CPPED1: variants seen among roughly 807,000 people sequenced by gnomAD.
CPPED1 encodes the protein serine/threonine-protein phosphatase CPPED1.
Under a neutral mutation model 28.0 loss-of-function variants are expected in CPPED1, and 28 were observed. The observed-to-expected ratio is 1.00, with a 90% CI of 0.74 to 1.37. The LOEUF is 1.37. Among genes scored for constraint, CPPED1 ranks in the 40% most tolerant of loss-of-function variants. The probability of loss-of-function intolerance (pLI) is 0.00; values close to 1 mark genes in which losing one functional copy is unlikely to be tolerated. For synonymous variants in CPPED1, 198 were observed against 180.2 expected, an observed-to-expected ratio of 1.10 and a Z score of -0.79; for missense variants, 504 against 416.5, an observed-to-expected ratio of 1.21 and a Z score of -1.83.
chr16:12,781,134 G>C (rs2080527903), intron 2 of CPPED1, 51 bp downstream of exon 2: 1 of 1,536,140 alleles, frequency 6.5e-7, no homozygotes, highest in African/African-American at 1.4e-5. Flanking sequence ...CCCAAATGCA[G>C]TCATGACCGG....
At chr16:12,669,777 G>A (rs2079844382) in intron 3 of CPPED1, among the ~76,000 whole-genome samples, 1 of 152,146 alleles carries the variant, frequency 6.6e-6, no homozygotes, top group Admixed American at 6.6e-5. Flanking sequence ...AGGAACTATG[G>A]CTCCTTGGAG....
intron 3 of CPPED1, among the ~76,000 whole-genome samples, chr16:12,699,542 T>A (rs1362187941): frequency 6.6e-6 from 1 of 152,210 alleles, no homozygotes; most frequent in Non-Finnish European, 1.5e-5. Flanking sequence ...TGATGCTCAT[T>A]ATTAAATCAT....
chr16:12,710,587 A>C (rs2080075001), intron 2 of CPPED1, among the ~76,000 whole-genome samples: 1 of 152,218 alleles, frequency 6.6e-6, no homozygotes. Flanking sequence ...TCTCAAATTA[A>C]ATATCTGATA....
chr16:12,731,362 A>G (rs1310199511), intron 2 of CPPED1, among the ~76,000 whole-genome samples: 3 of 150,300 alleles, frequency 2.0e-5, no homozygotes, highest in African/African-American at 5.0e-5. Flanking sequence ...ACTGCATTAG[A>G]AAAATTTTTT....
At chr16:12,776,169 G>C (rs2080496597) in intron 2 of CPPED1, among the ~76,000 whole-genome samples, 2 of 152,198 alleles carry the variant, frequency 1.3e-5, no homozygotes, top group Admixed American at 1.3e-4. Context: ...GGGTGGAGCA[G>C]AGGTCAGACG....
Position 12,781,511 on chromosome 16 carries a change from G to A in CPPED1, c.71-108C>T, listed in dbSNP as rs755932374. On this transcript the variant is annotated intron_variant, in intron 1 of 3. Coordinates refer to ENST00000381774, the MANE Select transcript of CPPED1 (RefSeq NM_018340.3). Reference sequence around the variant, plus strand: ...TACACTATTTTTCTTAAATTAAGTAGGTCATTTTAATAAGCTGTGGTTCAA... The same window carrying A: ...TACACTATTTTTCTTAAATTAAGTAAGTCATTTTAATAAGCTGTGGTTCAA... 5.7e-4 allele frequency: 533 copies of A among 934,038 alleles called. 1 individual carries two copies. Among genetic ancestry groups the A allele is most frequent in the Non-Finnish European group, 6.2e-4 (386 of 623,796 alleles). 57.9% of individuals were successfully genotyped at this position (934,038 alleles called of 1,614,324 possible).
At chr16:12,667,893 C>A (rs779485272) in intron 3 of CPPED1, among the ~76,000 whole-genome samples, 1 of 152,184 alleles carries the variant, frequency 6.6e-6, no homozygotes, top group Non-Finnish European at 1.5e-5. Flanking sequence ...AAAAGTACTA[C>A]ACAGGAAACA....
intron 1 of CPPED1, among the ~76,000 whole-genome samples, chr16:12,793,238 G>C (rs1041645673): frequency 6.6e-6 from 1 of 152,146 alleles, no homozygotes; most frequent in Non-Finnish European, 1.5e-5. Context: ...TACACACTTC[G>C]CTCTTTACAA....
intron 2 of CPPED1, among the ~76,000 whole-genome samples, chr16:12,758,829 C>T (rs553289644): frequency 4.6e-5 from 7 of 151,676 alleles, no homozygotes; most frequent in Admixed American, 2.0e-4. Flanking sequence ...TAATAAGACA[C>T]GATGATGATG....
At chr16:12,669,549 C>T (rs1878707) in intron 3 of CPPED1, among the ~76,000 whole-genome samples, 7,801 of 152,200 alleles carry the variant, frequency 0.051, 616 homozygotes, top group African/African-American at 0.18. Context: ...ATCCATATCA[C>T]AACAACGGAT....
rs140020086 is a variant in CPPED1, at chr16:12,762,998, G to A, written c.289+18187C>T. 6.6e-3 allele frequency among the ~76,000 whole-genome samples: 1,001 copies of A among 152,256 alleles called. 11 individuals are homozygous for A. The highest frequency in any genetic ancestry group is 0.022 in the African/African-American group (927 of 41,568). On this transcript the variant is annotated intron_variant, in intron 2 of 3. Transcript: ENST00000381774. ...AATCCCAGCACTTTGGGAGGCCAAG[G>A]TGGGTGGATCACTTGAAGTTGGGAG...
rs2079810907 is a variant in CPPED1 at position 12,663,972 on chromosome 16, G to A, written c.*914C>T. ...GGCCAATTCAGAGGATGTGGCTGAA[G>A]GCACCGTTTTGGCCTTTTTTGTTTC... is the stretch of plus-strand genomic sequence containing the variant. On this transcript the variant is annotated 3_prime_UTR_variant, in exon 4 of 4. Coordinates refer to ENST00000381774, the MANE Select transcript of CPPED1 (RefSeq NM_018340.3). 1 of 152,220 alleles carries A rather than the reference G, an allele frequency of 6.6e-6. No individual in the cohort carries two copies. The highest frequency in any genetic ancestry group is 2.4e-5 in the African/African-American group (1 of 41,442). The allele number at this position is 152,220 out of a possible 1,614,324, so 9.4% of individuals were successfully genotyped here.
intron 3 of CPPED1, among the ~76,000 whole-genome samples, chr16:12,667,590 TA>T (rs2079832507): frequency 1.3e-5 from 2 of 152,072 alleles, no homozygotes; most frequent in African/African-American, 2.4e-5. Flanking sequence ...CCCATCTCTA[TA>T]AAAAATAGTA....
intron 1 of CPPED1, among the ~76,000 whole-genome samples, chr16:12,797,645 AAC>A (rs2080635665): frequency 6.6e-6 from 1 of 152,232 alleles, no homozygotes; most frequent in Admixed American, 6.5e-5. Context: ...CCTGGGCCAC[AAC>A]GGAAGAACTG....
At position 12,756,400 on chromosome 16, in the gene CPPED1, T is replaced by G. The variant is rs546354915; in HGVS notation, c.289+24785A>C. ...CTGGGGCTGTGGCAGCAGAGATGCA[T>G]TTAAGAACAGTGAGCCAGGTGCGGT... On this transcript the variant is annotated intron_variant, in intron 2 of 3. Coordinates refer to ENST00000381774, the MANE Select transcript of CPPED1 (RefSeq NM_018340.3). Among the ~76,000 whole-genome samples, 4 of 152,274 alleles carry G rather than the reference T, an allele frequency of 2.6e-5. 1 individual carries two copies. In the East Asian group the frequency reaches 7.7e-4, roughly 29 times the overall value.
chr16:12,714,873 G>T (rs1349069544), intron 2 of CPPED1, among the ~76,000 whole-genome samples: 1 of 152,108 alleles, frequency 6.6e-6, no homozygotes, highest in Non-Finnish European at 1.5e-5. Flanking sequence ...CTTTCCAATA[G>T]AGGATCACAA....
chr16:12,790,712 T>C (rs954544242), intron 1 of CPPED1, among the ~76,000 whole-genome samples: 2 of 152,032 alleles, frequency 1.3e-5, no homozygotes, highest in East Asian at 1.9e-4. Flanking sequence ...GGTTGGATCA[T>C]GAGGTCAAGA....
At chr16:12,800,651 T>C (rs2080653785) in intron 1 of CPPED1, among the ~76,000 whole-genome samples, 1 of 152,154 alleles carries the variant, frequency 6.6e-6, no homozygotes, top group Non-Finnish European at 1.5e-5. Flanking sequence ...TTGATGCTAT[T>C]AGGACACGAC....
intron 3 of CPPED1, among the ~76,000 whole-genome samples, chr16:12,702,266 G>C (rs2080024590): frequency 6.6e-6 from 1 of 151,960 alleles, no homozygotes; most frequent in African/African-American, 2.4e-5. Flanking sequence ...TGCCCTGTTA[G>C]AGCTCACACC....
Sources: gnomAD v4.1 joint callset for allele counts (sites outside exome capture counted in the v4.1 genomes callset) on GRCh38, gnomAD v4.1.1 for gene constraint, MANE v1.5 for transcripts, NCBI Gene and HGNC (gene_info 2026-07-23, HGNC 2026-07-21) for gene names.